The following NRG3 variants were observed in gnomAD, a reference collection of about 807,000 sequenced individuals.
The protein encoded by NRG3 is pro-neuregulin-3, membrane-bound isoform.
NRG3 carries 31 observed loss-of-function variants against 66.9 expected under a neutral mutation model. The ratio of observed to expected loss-of-function variants is 0.46; its 90% CI spans 0.35 to 0.63. NRG3 has a LOEUF of 0.63. Ranked by LOEUF, NRG3 falls within the 20% of genes least tolerant of loss-of-function variation. The pLI, the probability that NRG3 is intolerant of heterozygous loss-of-function variation, is 0.00. For missense variants in NRG3, 910 were observed against 878.9 expected (o/e 1.04, Z -0.45); for synonymous variants, 393 against 359.4 (o/e 1.09, Z -1.06).
At position 82,375,492 on chromosome 10, in the gene NRG3, G is replaced by A. The variant is rs1012339571; in HGVS notation, c.953+16624G>A. 4.6e-5 allele frequency among the ~76,000 whole-genome samples: 7 copies of A among 150,768 alleles called. No individual in the cohort carries two copies. The East Asian group carries it at 5.9e-4, about 13-fold the overall frequency. The stretch of plus-strand genomic sequence containing the variant: ...GCGGAGCTTGCAGTGAGCTGAGATC[G>A]TGCCACCGCACTCCAGCCTGGGCGA... On this transcript the variant is annotated intron_variant, in intron 2 of 8. Transcript: ENST00000372141.
chr10:82,910,402 C>T (rs1845208657), intron 4 of NRG3, among the ~76,000 whole-genome samples: 1 of 152,202 alleles, frequency 6.6e-6, no homozygotes, highest in African/African-American at 2.4e-5. Context: ...ATAACTGCAC[C>T]AGGATGTGCT....
chr10:81,993,527 T>C (rs879755912), intron 1 of NRG3, among the ~76,000 whole-genome samples: 1 of 151,996 alleles, frequency 6.6e-6, no homozygotes, highest in African/African-American at 2.4e-5. Flanking sequence ...AATTTTTTTT[T>C]GTAGAGATGG....
At chr10:82,644,313 A>C (rs1047433801) in intron 2 of NRG3, among the ~76,000 whole-genome samples, 1 of 152,112 alleles carries the variant, frequency 6.6e-6, no homozygotes, top group Admixed American at 6.6e-5. Flanking sequence ...GGTGATGATA[A>C]GTTTCTAAAG....
At chr10:82,799,809 T>A (rs1268702152) in intron 3 of NRG3, 2 of 152,132 alleles carry the variant, frequency 1.3e-5, no homozygotes, top group African/African-American at 4.8e-5. Flanking sequence ...CAGTGAAACA[T>A]CGGCCTTTTT....
chr10:82,715,108 G>C (rs1284599827), intron 2 of NRG3, among the ~76,000 whole-genome samples: 1 of 151,968 alleles, frequency 6.6e-6, no homozygotes, highest in Non-Finnish European at 1.5e-5. Flanking sequence ...TAAAGTCTTG[G>C]GTGTGGCTGG....
At chr10:82,619,321 G>A (rs1007461922) in intron 2 of NRG3, among the ~76,000 whole-genome samples, 1 of 152,176 alleles carries the variant, frequency 6.6e-6, no homozygotes, top group African/African-American at 2.4e-5. Flanking sequence ...TGGAGAGCAG[G>A]AGGGGTGAGC....
chr10:82,958,830 GC>G, intron 5 of NRG3, 118 bp from the exon 6 acceptor site: 1 of 1,207,874 alleles, frequency 8.3e-7, no homozygotes, highest in Non-Finnish European at 1.1e-6. Flanking sequence ...CTCTTCGTTA[GC>G]TGAGTTTATT....
At chr10:82,136,777 G>A (rs1418709474) in intron 1 of NRG3, among the ~76,000 whole-genome samples, 2 of 152,072 alleles carry the variant, frequency 1.3e-5, no homozygotes, top group African/African-American at 4.8e-5. Flanking sequence ...CTCTGGCTAG[G>A]GCTGGTATAA....
At chr10:82,322,485 C>T (rs924250319) in intron 1 of NRG3, among the ~76,000 whole-genome samples, 2 of 151,636 alleles carry the variant, frequency 1.3e-5, no homozygotes, top group Admixed American at 1.3e-4. Flanking sequence ...TTAGTTCTAG[C>T]TTTCCAAAGA....
intron 3 of NRG3, among the ~76,000 whole-genome samples, chr10:82,805,419 C>G (rs941567725): frequency 6.6e-6 from 1 of 152,182 alleles, no homozygotes; most frequent in African/African-American, 2.4e-5. Flanking sequence ...AATCTTGTCT[C>G]TGCGTCTTTT....
At chr10:82,148,221 G>C (rs542739214) in intron 1 of NRG3, among the ~76,000 whole-genome samples, 18 of 149,742 alleles carry the variant, frequency 1.2e-4, no homozygotes, top group African/African-American at 4.6e-4. Flanking sequence ...CACTGATTGC[G>C]GGGGGGTGGC....
At chr10:82,239,861 T>G (rs1361835475) in intron 1 of NRG3, among the ~76,000 whole-genome samples, 2 of 152,180 alleles carry the variant, frequency 1.3e-5, no homozygotes, top group African/African-American at 2.4e-5. Context: ...TATGATCTAT[T>G]AAACAATGAA....
At chr10:82,620,830 A>C (rs2048996769) in intron 2 of NRG3, among the ~76,000 whole-genome samples, 1 of 151,720 alleles carries the variant, frequency 6.6e-6, no homozygotes, top group South Asian at 2.1e-4. Flanking sequence ...ACAACCACCA[A>C]GCCATCCTAT....
At chr10:82,581,761 C>T (rs2046368367) in intron 2 of NRG3, among the ~76,000 whole-genome samples, 1 of 151,810 alleles carries the variant, frequency 6.6e-6, no homozygotes, top group Non-Finnish European at 1.5e-5. Flanking sequence ...TGTATTTTAC[C>T]ACCAAAAAAT....
intron 1 of NRG3, among the ~76,000 whole-genome samples, chr10:82,293,583 G>T (rs991580966): frequency 9.9e-5 from 15 of 152,120 alleles, no homozygotes; most frequent in African/African-American, 3.4e-4. Flanking sequence ...TTAGGCTACT[G>T]AAATTCTACA....
At chr10:82,281,507 G>A (rs548034056) in intron 1 of NRG3, among the ~76,000 whole-genome samples, 1 of 152,236 alleles carries the variant, frequency 6.6e-6, no homozygotes, top group South Asian at 2.1e-4. Context: ...TTGGTGGTTG[G>A]TGAGGATGGA....
At chr10:82,465,307 C>T (rs1840571998) in intron 2 of NRG3, among the ~76,000 whole-genome samples, 1 of 152,164 alleles carries the variant, frequency 6.6e-6, no homozygotes, top group Non-Finnish European at 1.5e-5. Context: ...TGTCTCAAGT[C>T]AGTCACCGTA....
intron 4 of NRG3, among the ~76,000 whole-genome samples, chr10:82,909,219 A>G (rs553297160): frequency 4.1e-4 from 63 of 152,324 alleles, no homozygotes; most frequent in African/African-American, 1.3e-3. Context: ...TTTTCATTTT[A>G]TTTCTGTCAC....
At chr10:82,816,132 C>T (rs1464078324) in intron 3 of NRG3, among the ~76,000 whole-genome samples, 1 of 152,232 alleles carries the variant, frequency 6.6e-6, no homozygotes, top group Non-Finnish European at 1.5e-5. Context: ...GCTCCCTGAA[C>T]GGCCACAGCT....
Sources: gnomAD v4.1 joint callset for allele counts (sites outside exome capture counted in the v4.1 genomes callset) on GRCh38, gnomAD v4.1.1 for gene constraint, MANE v1.5 for transcripts, NCBI Gene and HGNC (gene_info 2026-07-23, HGNC 2026-07-21) for gene names.